The following L3MBTL4 variants were observed in gnomAD, a reference collection of about 807,000 sequenced individuals.
The protein encoded by L3MBTL4 is lethal(3)malignant brain tumor-like protein 4.
A neutral mutation model predicts 84.5 loss-of-function variants in L3MBTL4; 70 were observed. That is an observed-to-expected ratio of 0.83 (90% confidence interval 0.68 to 1.01). The LOEUF (loss-of-function observed/expected upper bound fraction) is 1.01, where lower values mean the gene tolerates loss of function less well. Ranked by LOEUF, L3MBTL4 falls within the 50% of genes least tolerant of loss-of-function variation. L3MBTL4 has a pLI of 0.00. For synonymous variants in L3MBTL4, 274 were observed against 259.8 expected, an observed-to-expected ratio of 1.05 and a Z score of -0.52; for missense variants, 715 against 754.8, an observed-to-expected ratio of 0.95 and a Z score of 0.62.
intron 14 of L3MBTL4, among the ~76,000 whole-genome samples, chr18:6,098,737 G>A (rs1160810422): frequency 6.6e-6 from 1 of 152,128 alleles, no homozygotes; most frequent in Non-Finnish European, 1.5e-5. Context: ...GTATTTTATA[G>A]TTTAGTCTCA....
intron 1 of L3MBTL4, among the ~76,000 whole-genome samples, chr18:6,368,661 G>A (rs372284141): frequency 2.0e-5 from 3 of 152,154 alleles, no homozygotes; most frequent in South Asian, 2.1e-4. Context: ...TTGACTTTAG[G>A]AGCCTACGAC....
chr18:6,195,621 T>C (rs2045341148), intron 12 of L3MBTL4, among the ~76,000 whole-genome samples: 1 of 152,250 alleles, frequency 6.6e-6, no homozygotes, highest in Non-Finnish European at 1.5e-5. Context: ...ACCACAATTT[T>C]TGCAGTTGAA....
chr18:6,339,477 G>A (rs1011695394), intron 1 of L3MBTL4, among the ~76,000 whole-genome samples: 1 of 152,182 alleles, frequency 6.6e-6, no homozygotes, highest in African/African-American at 2.4e-5. Context: ...CAATTTGTGA[G>A]ATGCAGCTAA....
chr18:5,959,084 T>G (rs553027425), intron 18 of L3MBTL4, among the ~76,000 whole-genome samples: 5 of 152,338 alleles, frequency 3.3e-5, no homozygotes, highest in African/African-American at 1.2e-4. Context: ...GTTCCTCTAC[T>G]GTGCTCGGAG....
chr18:6,156,995 TAG>T (rs2043131433), intron 13 of L3MBTL4, among the ~76,000 whole-genome samples: 1 of 152,184 alleles, frequency 6.6e-6, no homozygotes, highest in Non-Finnish European at 1.5e-5. Context: ...CTCCAGAAGG[TAG>T]AGACGCAGGA....
chr18:6,078,880 G>A (rs1161754988), intron 16 of L3MBTL4, among the ~76,000 whole-genome samples: 3 of 152,168 alleles, frequency 2.0e-5, no homozygotes, highest in Non-Finnish European at 4.4e-5. Context: ...GTCCCATCTG[G>A]GGGTGATGGG....
intron 3 of L3MBTL4, among the ~76,000 whole-genome samples, chr18:6,302,420 C>T (rs1368693631): frequency 3.3e-5 from 5 of 152,100 alleles, no homozygotes; most frequent in African/African-American, 9.7e-5. Flanking sequence ...AATGGACAAG[C>T]GACTTCAAAA....
At chr18:6,351,606 C>G (rs2053193084) in intron 1 of L3MBTL4, among the ~76,000 whole-genome samples, 1 of 151,740 alleles carries the variant, frequency 6.6e-6, no homozygotes, top group Non-Finnish European at 1.5e-5. Flanking sequence ...GGCTGGAGTG[C>G]AGTGGCGTGA....
chr18:6,337,587 C>A (rs2052403949), intron 1 of L3MBTL4, among the ~76,000 whole-genome samples: 1 of 151,972 alleles, frequency 6.6e-6, no homozygotes, highest in Admixed American at 6.6e-5. Flanking sequence ...ACAGCTATTA[C>A]CTTTAGAAAA....
chr18:5,978,403 A>G (rs1002210025), intron 16 of L3MBTL4, among the ~76,000 whole-genome samples: 47 of 152,316 alleles, frequency 3.1e-4, no homozygotes, highest in African/African-American at 1.1e-3. Context: ...TCTGCTTCAC[A>G]CAGCTTGAGA....
intron 16 of L3MBTL4, among the ~76,000 whole-genome samples, chr18:5,993,190 C>G (rs779472742): frequency 1.1e-4 from 16 of 152,206 alleles, no homozygotes; most frequent in Non-Finnish European, 4.4e-5. Flanking sequence ...CCCATAAACA[C>G]CGTCCTCTGT....
intron 16 of L3MBTL4, among the ~76,000 whole-genome samples, chr18:5,979,124 A>G (rs1055140075): frequency 6.6e-6 from 1 of 152,152 alleles, no homozygotes; most frequent in Non-Finnish European, 1.5e-5. Flanking sequence ...TGGATGAAGG[A>G]AAGCCTGGAG....
rs537077450 is a variant in L3MBTL4 at position 6,033,508 on chromosome 18, A to G, written c.1444+47373T>C. ...TGATAGAGACTTACGTCATCTTGCTACTAGTTTTTCATGTGCCTTACAATT... is the reference window on the plus strand; with the variant it reads ...TGATAGAGACTTACGTCATCTTGCTGCTAGTTTTTCATGTGCCTTACAATT... On this transcript the variant is annotated intron_variant, in intron 16 of 18. Coordinates refer to ENST00000317931, the MANE Select transcript of L3MBTL4 (RefSeq NM_001330559.2). Among the ~76,000 whole-genome samples, 6 of 152,324 alleles carry G rather than the reference A, an allele frequency of 3.9e-5. No individual in the cohort carries two copies. The South Asian group carries it at 1.0e-3, about 26-fold the overall frequency.
chr18:6,105,125 TC>T (rs1484708919), intron 14 of L3MBTL4, among the ~76,000 whole-genome samples: 1 of 152,036 alleles, frequency 6.6e-6, no homozygotes, highest in African/African-American at 2.4e-5. Flanking sequence ...CATACACTAT[TC>T]TAAATTATTA....
At chr18:6,358,899 T>G (rs2143954778) in intron 1 of L3MBTL4, among the ~76,000 whole-genome samples, 1 of 152,338 alleles carries the variant, frequency 6.6e-6, no homozygotes, top group Non-Finnish European at 1.5e-5. Flanking sequence ...ACTTGCCATG[T>G]CTATTTCTGC....
intron 16 of L3MBTL4, among the ~76,000 whole-genome samples, chr18:5,993,125 T>C (rs929594393): frequency 2.6e-5 from 4 of 152,204 alleles, no homozygotes; most frequent in African/African-American, 9.7e-5. Context: ...CCTGTTCTCT[T>C]TCCAGCGCTC....
intron 14 of L3MBTL4, among the ~76,000 whole-genome samples, chr18:6,104,590 G>C (rs1335480512): frequency 6.6e-6 from 1 of 152,178 alleles, no homozygotes; most frequent in Admixed American, 6.5e-5. Context: ...AAAATGGGGA[G>C]TTGCTGTTCA....
At chr18:6,079,307 G>T (rs1456159498) in intron 16 of L3MBTL4, among the ~76,000 whole-genome samples, 1 of 152,180 alleles carries the variant, frequency 6.6e-6, no homozygotes, top group African/African-American at 2.4e-5. Flanking sequence ...GGGTCCACAG[G>T]CAGCCGTGTG....
chr18:5,971,341 C>A (rs958406360), intron 16 of L3MBTL4, among the ~76,000 whole-genome samples: 2 of 152,174 alleles, frequency 1.3e-5, no homozygotes, highest in South Asian at 2.1e-4. Flanking sequence ...TAAAGCCCTG[C>A]ACTCTTAGGG....
Sources: allele counts gnomAD v4.1 joint callset (sites outside exome capture counted in the v4.1 genomes callset), GRCh38; gene constraint gnomAD v4.1.1; transcripts MANE v1.5; gene names NCBI Gene and HGNC (gene_info 2026-07-23, HGNC 2026-07-21).